The following SHOC1 variants were observed in gnomAD, a reference collection of about 807,000 sequenced individuals.
SHOC1 encodes protein shortage in chiasmata 1 ortholog.
In SHOC1, 136 loss-of-function variants were observed where a neutral mutation model predicts 179.2. That is an observed-to-expected ratio of 0.76 (90% confidence interval 0.66 to 0.87). SHOC1 has a LOEUF of 0.87. Ranked by LOEUF, SHOC1 falls within the 40% of genes least tolerant of loss-of-function variation. The probability of loss-of-function intolerance (pLI) is 0.00; values close to 1 mark genes in which losing one functional copy is unlikely to be tolerated. For missense variants in SHOC1, 1,538 were observed against 1,700.8 expected (o/e 0.90, Z 1.68); for synonymous variants, 489 against 586.6 (o/e 0.83, Z 2.41).
In SHOC1 at chr9:111,699,910, G is replaced by A; in HGVS notation, c.3183+44C>T. The A allele has an allele frequency of 3.7e-6, 5 of 1,335,576 alleles. No individual in the cohort carries two copies. In the African/African-American group the frequency reaches 5.9e-5, roughly 16 times the overall value. The allele number at this position is 1,335,576 out of a possible 1,614,324, so 82.7% of individuals were successfully genotyped here. On this transcript the variant is annotated intron_variant, in intron 24 of 27. Coordinates refer to ENST00000682961, the MANE Select transcript of SHOC1 (RefSeq NM_001378211.1). ...GCACTTAAGTTTGAGTATAATTTTG[G>A]TTTATAAAAAATACTTATGAAGAAA...
At chr9:111,711,821 G>A (rs1832565703) in intron 18 of SHOC1, among the ~76,000 whole-genome samples, 2 of 152,144 alleles carry the variant, frequency 1.3e-5, no homozygotes, top group South Asian at 2.1e-4. Context: ...GTTTGTAGTA[G>A]TACCAATCTA....
chr9:111,727,693 G>A lies in SHOC1; in HGVS notation c.1774C>T (p.Arg592Ter), dbSNP rs1004968910. The change falls in exon 13 of 28, where the codon CGA becomes TGA. Residue 592 changes from arginine (R) to a stop codon, truncating the protein, a stop_gained. Transcript: ENST00000682961. LOFTEE classifies it high-confidence loss of function. ...GAGGTGCAAGTCTTATATTTATTTC[G>A]CAGCATAATAAAGTCGCTCAAAAGG... ...LDLLSDFIML[R>*]NKYKTCTSKT... 14 of 1,606,286 alleles carry A rather than the reference G, an allele frequency of 8.7e-6. No homozygotes were observed. The highest frequency in any genetic ancestry group is 6.7e-5 in the African/African-American group (5 of 74,350).
At chr9:111,768,785 T>G (rs1209650354) in intron 5 of SHOC1, among the ~76,000 whole-genome samples, 1 of 152,214 alleles carries the variant, frequency 6.6e-6, no homozygotes, top group African/African-American at 2.4e-5. Context: ...TGGCCAGGAC[T>G]TCACGTTTTA....
At chr9:111,759,370 A>G (rs1835033913) in intron 5 of SHOC1, 1 of 1,479,990 alleles carries the variant, frequency 6.8e-7, no homozygotes, top group East Asian at 2.3e-5. Context: ...TTGCTATAAA[A>G]TTATTTACAG....
chr9:111,760,249 G>A (rs557847344), intron 5 of SHOC1, among the ~76,000 whole-genome samples: 10 of 152,132 alleles, frequency 6.6e-5, no homozygotes, highest in Non-Finnish European at 1.5e-4. Context: ...GAAACCACTT[G>A]AGGGCAGCAT....
chr9:111,699,077 C>T (rs1399428957), intron 24 of SHOC1, among the ~76,000 whole-genome samples: 1 of 151,934 alleles, frequency 6.6e-6, no homozygotes, highest in East Asian at 1.9e-4. Flanking sequence ...AGCTGTATTT[C>T]GGAAATGTAA....
chr9:111,770,448 T>G (rs774078362), intron 5 of SHOC1, among the ~76,000 whole-genome samples: 9 of 152,310 alleles, frequency 5.9e-5, no homozygotes, highest in Middle Eastern at 3.4e-3. Flanking sequence ...ATATGGTCTA[T>G]TCTGAAGAAT....
At chr9:111,770,740 G>C (rs995046805) in intron 5 of SHOC1, among the ~76,000 whole-genome samples, 2 of 152,060 alleles carry the variant, frequency 1.3e-5, no homozygotes, top group Non-Finnish European at 2.9e-5. Context: ...ATTTATAATT[G>C]TTATACCCTC....
chr9:111,726,019 T>G (rs1418545845), intron 13 of SHOC1, among the ~76,000 whole-genome samples: 1 of 152,124 alleles, frequency 6.6e-6, no homozygotes. Flanking sequence ...TCAGAAAACA[T>G]GAAGAAATCT....
chr9:111,737,687 AACC>A lies in SHOC1; in HGVS notation c.1417+590_1417+592del, dbSNP rs779308350. On this transcript the variant is annotated intron_variant, in intron 12 of 27. Transcript: ENST00000682961. ...AACAAACAAACAAACAATAAAAACA[AACC>A]CCCCCCCCCACACACAAAATATATA... Among the ~76,000 whole-genome samples the A allele has an allele frequency of 1.6e-3, 66 of 40,490 alleles. 1 individual carries two copies. The highest frequency in any genetic ancestry group is 1.9e-3 in the South Asian group (2 of 1,070). 26.6% of individuals were successfully genotyped at this position (40,490 alleles called of 152,430 possible).
At chr9:111,724,122 G>A (rs533217698) in intron 13 of SHOC1, among the ~76,000 whole-genome samples, 7 of 152,250 alleles carry the variant, frequency 4.6e-5, no homozygotes, top group Admixed American at 2.0e-4. Flanking sequence ...TTTGGTATCA[G>A]ATCAGTATTT....
At chr9:111,694,858 G>C (rs1483419996) in intron 24 of SHOC1, among the ~76,000 whole-genome samples, 1 of 152,050 alleles carries the variant, frequency 6.6e-6, no homozygotes, top group Non-Finnish European at 1.5e-5. Context: ...TTTTGATTTA[G>C]AGTAGTCATC....
rs200554409 is a variant in SHOC1 at position 111,758,083 on chromosome 9, C to A, written c.708+1G>T. 848 of 1,440,276 alleles carry A rather than the reference C, an allele frequency of 5.9e-4. No homozygotes were observed. Among genetic ancestry groups the A allele is most frequent in the Non-Finnish European group, 7.5e-4 (785 of 1,051,846 alleles). 89.2% of individuals were successfully genotyped at this position (1,440,276 alleles called of 1,614,324 possible). On this transcript the variant is annotated splice_donor_variant, in intron 7 of 27. Transcript: ENST00000682961. LOFTEE classifies it high-confidence loss of function. Reference sequence around the variant, plus strand: ...ATATTATTGAAAGCCAGTATTACAACCTCATTTAAACATATTGTATCTTCT... The same window carrying A: ...ATATTATTGAAAGCCAGTATTACAAACTCATTTAAACATATTGTATCTTCT...
intron 22 of SHOC1, among the ~76,000 whole-genome samples, chr9:111,703,106 T>G (rs1832060686): frequency 6.6e-6 from 1 of 152,026 alleles, no homozygotes; most frequent in African/African-American, 2.4e-5. Context: ...TGAGACCCTA[T>G]CTCTAAAAAC....
chr9:111,779,114 AAGAGAGAG>A, intron 4 of SHOC1, among the ~76,000 whole-genome samples: 1 of 129,810 alleles, frequency 7.7e-6, no homozygotes, highest in South Asian at 2.4e-4. Flanking sequence ...AAAAAAAAAA[AAGAGAGAG>A]AGAGAGAGAG....
At chr9:111,727,599 C>T in intron 13 of SHOC1, 34 bp downstream of exon 13, 1 of 1,516,396 alleles carries the variant, frequency 6.6e-7, no homozygotes, top group Non-Finnish European at 8.8e-7. Context: ...TTGAGCCTAC[C>T]ATATCTACGG....
chr9:111,770,288 T>C (rs959162314), intron 5 of SHOC1, among the ~76,000 whole-genome samples: 25 of 152,154 alleles, frequency 1.6e-4, no homozygotes, highest in Non-Finnish European at 2.9e-4. Context: ...ATTGGCCATT[T>C]AAGACCATGT....
chr9:111,722,672 A>G, intron 14 of SHOC1, 87 bp from the exon 15 acceptor site: 10 of 1,051,428 alleles, frequency 9.5e-6, no homozygotes, highest in Non-Finnish European at 1.4e-5. Flanking sequence ...TTTCGTGGAG[A>G]TCCGAACTTC....
At chr9:111,764,391 C>T (rs1835265666) in intron 5 of SHOC1, among the ~76,000 whole-genome samples, 1 of 152,162 alleles carries the variant, frequency 6.6e-6, no homozygotes, top group South Asian at 2.1e-4. Flanking sequence ...GGGTTTGGTA[C>T]TATCAGTGAT....
Sources: gnomAD v4.1 joint callset for allele counts (sites outside exome capture counted in the v4.1 genomes callset) on GRCh38, gnomAD v4.1.1 for gene constraint, MANE v1.5 for transcripts, NCBI Gene and HGNC (gene_info 2026-07-23, HGNC 2026-07-21) for gene names.